FOXP2: variants seen among roughly 807,000 people sequenced by gnomAD.
The protein encoded by FOXP2 is forkhead box P2, also known as forkhead box protein P2.
A neutral mutation model predicts 115.8 loss-of-function variants in FOXP2; 12 were observed. That is an observed-to-expected ratio of 0.10 (90% CI 0.07 to 0.17). FOXP2 has a LOEUF of 0.17. FOXP2 is among the 10% of genes least tolerant of loss of function. FOXP2 has a pLI of 1.00. For synonymous variants in FOXP2, 328 were observed against 297.7 expected (o/e 1.10, Z -1.05); for missense variants, 629 against 843.5 (o/e 0.75, Z 3.15).
intron 2 of FOXP2, among the ~76,000 whole-genome samples, chr7:114,528,520 G>T (rs1798983331): frequency 1.3e-5 from 2 of 151,860 alleles, no homozygotes; most frequent in Admixed American, 6.6e-5. Context: ...ACATTTTTAA[G>T]GACAAACACT....
chr7:114,583,437 C>T (rs1430953593), intron 3 of FOXP2, among the ~76,000 whole-genome samples: 2 of 151,912 alleles, frequency 1.3e-5, no homozygotes, highest in Non-Finnish European at 2.9e-5. Context: ...GCATATTTGT[C>T]ATTTCTGAGC....
At chr7:114,590,904 T>C (rs1460882062) in intron 3 of FOXP2, among the ~76,000 whole-genome samples, 2 of 152,082 alleles carry the variant, frequency 1.3e-5, no homozygotes, top group Non-Finnish European at 2.9e-5. Context: ...GTGATTATAC[T>C]ACGTACTTTT....
chr7:114,285,830 ATATAAG>A (rs1317395349), intron 1 of FOXP2, among the ~76,000 whole-genome samples: 2 of 151,966 alleles, frequency 1.3e-5, no homozygotes, highest in African/African-American at 4.8e-5. Context: ...TCCTCTGAAT[ATATAAG>A]TATATGTTAA....
intron 3 of FOXP2, among the ~76,000 whole-genome samples, chr7:114,576,424 A>G (rs1314577145): frequency 6.6e-6 from 1 of 151,828 alleles, no homozygotes; most frequent in South Asian, 2.1e-4. Context: ...AATATTCTTG[A>G]TGTTGGTTCC....
chr7:114,198,054 G>A (rs1452759957), intron 1 of FOXP2, among the ~76,000 whole-genome samples: 1 of 151,852 alleles, frequency 6.6e-6, no homozygotes, highest in Non-Finnish European at 1.5e-5. Context: ...TGGTAGAGAC[G>A]GGGTTCTCCA....
intron 2 of FOXP2, among the ~76,000 whole-genome samples, chr7:114,502,230 G>T (rs1005280639): frequency 5.9e-5 from 9 of 152,032 alleles, no homozygotes; most frequent in Non-Finnish European, 1.5e-5. Context: ...TATTAAAAAG[G>T]AAATTTTGTT....
At chr7:114,300,197 GAT>G (rs1796845731) in intron 2 of FOXP2, among the ~76,000 whole-genome samples, 1 of 152,002 alleles carries the variant, frequency 6.6e-6, no homozygotes, top group Admixed American at 6.6e-5. Context: ...TAGATATATA[GAT>G]TCCATATTTC....
At chr7:114,455,007 C>T (rs976536706) in intron 2 of FOXP2, among the ~76,000 whole-genome samples, 4 of 150,348 alleles carry the variant, frequency 2.7e-5, no homozygotes, top group Non-Finnish European at 4.4e-5. Context: ...TACCCTAAAA[C>T]TTAAAGTATA....
intron 2 of FOXP2, among the ~76,000 whole-genome samples, chr7:114,308,859 T>C (rs1479627820): frequency 6.6e-6 from 1 of 152,108 alleles, no homozygotes; most frequent in Non-Finnish European, 1.5e-5. Context: ...GCCATTGTAA[T>C]CCAAAAAGTC....
chr7:114,212,124 T>TAAAATAAAATAAAATAAA (rs1554431719), intron 1 of FOXP2, among the ~76,000 whole-genome samples: 1 of 143,084 alleles, frequency 7.0e-6, no homozygotes, highest in African/African-American at 2.5e-5. Context: ...TAAAATAAAA[T>TAAAATAAAATAAAATAAA]ATATATATAT....
At chr7:114,512,803 G>T (rs1042225426) in intron 2 of FOXP2, among the ~76,000 whole-genome samples, 2 of 152,052 alleles carry the variant, frequency 1.3e-5, no homozygotes, top group Non-Finnish European at 2.9e-5. Context: ...TAAAAACTAG[G>T]CTGGGTGTGG....
At chr7:114,457,159 C>T (rs1466070126) in intron 2 of FOXP2, among the ~76,000 whole-genome samples, 1 of 152,068 alleles carries the variant, frequency 6.6e-6, no homozygotes, top group South Asian at 2.1e-4. Context: ...TGTTGGTGCT[C>T]TTACCACACA....
At chr7:114,591,929 T>A (rs1276175666) in intron 3 of FOXP2, among the ~76,000 whole-genome samples, 1 of 152,102 alleles carries the variant, frequency 6.6e-6, no homozygotes, top group Non-Finnish European at 1.5e-5. Flanking sequence ...ATATGGCTAG[T>A]GTGACTGAGG....
intron 2 of FOXP2, among the ~76,000 whole-genome samples, chr7:114,475,428 T>C (rs930132344): frequency 6.6e-6 from 1 of 152,066 alleles, no homozygotes; most frequent in Non-Finnish European, 1.5e-5. Flanking sequence ...CAGTCAAGCC[T>C]GCATGAAAGT....
chr7:114,631,365 A>G (rs1804911052), intron 5 of FOXP2, among the ~76,000 whole-genome samples, 163 bp from the exon 6 acceptor site: 1 of 152,176 alleles, frequency 6.6e-6, no homozygotes, highest in African/African-American at 2.4e-5. Flanking sequence ...AAGAAAGGCA[A>G]CTGAAAATCT....
At chr7:114,522,264 G>A (rs897892819) in intron 2 of FOXP2, among the ~76,000 whole-genome samples, 1 of 152,100 alleles carries the variant, frequency 6.6e-6, no homozygotes, top group Non-Finnish European at 1.5e-5. Flanking sequence ...CAACAAGTGG[G>A]CCACTGACAA....
At chr7:114,124,244 A>G (rs1441967114) in intron 1 of FOXP2, among the ~76,000 whole-genome samples, 2 of 152,086 alleles carry the variant, frequency 1.3e-5, no homozygotes, top group Non-Finnish European at 2.9e-5. Flanking sequence ...CCTACTTACA[A>G]GCATAACTAG....
Position 114,691,638 on chromosome 7 carries a change from C to T in FOXP2, c.*1712C>T, listed in dbSNP as rs1242546319. ...ACATGTTGCTTTTCATGTGCTGTGCCAAGTCTTGATAATACTTTTTCCCCC... is the reference window on the plus strand; with the variant it reads ...ACATGTTGCTTTTCATGTGCTGTGCTAAGTCTTGATAATACTTTTTCCCCC... On this transcript the variant is annotated 3_prime_UTR_variant, in exon 17 of 17. Transcript: ENST00000350908. 2.2e-6 allele frequency: 1 copy of T among 453,746 alleles called. No individual in the cohort carries two copies. The highest frequency in any genetic ancestry group is 4.4e-6 in the Non-Finnish European group (1 of 226,728). The allele number at this position is 453,746 out of a possible 1,614,324, so 28.1% of individuals were successfully genotyped here. A position where few individuals can be genotyped will look rare whatever the true frequency, so the allele number is the denominator to read the frequency against.
chr7:114,651,414 T>C lies in FOXP2; in HGVS notation c.1095-789T>C, dbSNP rs1449320596. 7.2e-5 allele frequency among the ~76,000 whole-genome samples: 11 copies of C among 152,218 alleles called. No individual in the cohort carries two copies. The East Asian group carries it at 2.1e-3, about 29-fold the overall frequency. ...ATTACAGAGTATATATTATTAAATG[T>C]TTTCATGTTCATTGGAGATGCTGCT... On this transcript the variant is annotated intron_variant, in intron 8 of 16. Transcript: ENST00000350908.
Sources: gnomAD v4.1 joint callset for allele counts (sites outside exome capture counted in the v4.1 genomes callset) on GRCh38, gnomAD v4.1.1 for gene constraint, MANE v1.5 for transcripts, NCBI Gene and HGNC (gene_info 2026-07-23, HGNC 2026-07-21) for gene names.